Variants in ZNF566 observed in about 807,000 individuals in gnomAD.
ZNF566 encodes zinc finger protein 566.
In ZNF566, 27 loss-of-function variants were observed where a neutral mutation model predicts 32.8. The ratio of observed to expected loss-of-function variants is 0.82; its 90% CI spans 0.61 to 1.14. ZNF566 has a LOEUF of 1.14. Ranked by LOEUF, ZNF566 falls within the 50% of genes most tolerant of loss-of-function variation. ZNF566 has a pLI of 0.00. For synonymous variants in ZNF566, 154 were observed against 159.5 expected (o/e 0.97, Z 0.26); for missense variants, 402 against 490.4 (o/e 0.82, Z 1.70).
At chr19:36,466,380 T>C (rs2033613795) in intron 4 of ZNF566, among the ~76,000 whole-genome samples, 1 of 152,186 alleles carries the variant, frequency 6.6e-6, no homozygotes, top group African/African-American at 2.4e-5. Context: ...AAGTCCCTTA[T>C]ATAAAATGGC....
rs779464421 is a variant in ZNF566 at position 36,449,766 on chromosome 19, T to C, written c.468A>G (p.Pro156=). Reference sequence around the variant, plus strand: ...TAATGATTTGCTGTAATGTGAAGGATGGATGGTGACTCAAAGTGGGCAGAT... The same window carrying C: ...TAATGATTTGCTGTAATGTGAAGGACGGATGGTGACTCAAAGTGGGCAGAT... ...HEDLPTLSHH[P]SFTLQQIINS... is the part of the protein sequence containing the mutation. Residue 156 remains proline, a synonymous_variant, in exon 5 of 5, where the codon CCA becomes CCG. Transcript: ENST00000452939. The C allele has an allele frequency of 3.1e-6, 5 of 1,614,184 alleles. No homozygotes were observed. The highest frequency in any genetic ancestry group is 2.2e-5 in the East Asian group (1 of 44,866).
rs564760925 is a variant in ZNF566 at position 36,488,384 on chromosome 19, C to T, written c.-60+1102G>A. Reference sequence around the variant, plus strand: ...TGCTGGGATTACACGCATGAGCCTCCACACTTGGCCTACAAAAATTTTTTT... The same window carrying T: ...TGCTGGGATTACACGCATGAGCCTCTACACTTGGCCTACAAAAATTTTTTT... On this transcript the variant is annotated intron_variant, in intron 1 of 4. Transcript: ENST00000452939. 2.0e-5 allele frequency among the ~76,000 whole-genome samples: 3 copies of T among 152,306 alleles called. No homozygotes were observed. The East Asian group carries it at 5.8e-4, about 29-fold the overall frequency.
chr19:36,466,203 C>A (rs1267816476), intron 4 of ZNF566, among the ~76,000 whole-genome samples: 1 of 152,148 alleles, frequency 6.6e-6, no homozygotes, highest in African/African-American at 2.4e-5. Context: ...GAACAAGAAT[C>A]ATCTATCAAA....
intron 4 of ZNF566, among the ~76,000 whole-genome samples, chr19:36,464,843 A>G (rs1313448191): frequency 6.6e-6 from 1 of 152,192 alleles, no homozygotes. Flanking sequence ...AGTATAAAGC[A>G]TACAGGAAAA....
At chr19:36,474,053 G>C (rs776093635) in intron 2 of ZNF566, among the ~76,000 whole-genome samples, 2 of 152,168 alleles carry the variant, frequency 1.3e-5, no homozygotes, top group Non-Finnish European at 2.9e-5. Flanking sequence ...TTTGAGTGTT[G>C]AGAAAAGACA....
At chr19:36,467,662 G>A (rs968282186) in intron 4 of ZNF566, among the ~76,000 whole-genome samples, 17 of 149,422 alleles carry the variant, frequency 1.1e-4, no homozygotes, top group Non-Finnish European at 1.8e-4. Context: ...TTGGTGGCAC[G>A]TGCTTGTAAT....
intron 4 of ZNF566, among the ~76,000 whole-genome samples, chr19:36,461,476 GGCCA>G (rs1568516659): frequency 6.6e-6 from 1 of 152,016 alleles, no homozygotes; most frequent in African/African-American, 2.4e-5. Flanking sequence ...TTTGAGACCT[GGCCA>G]ACACGGTAAA....
intron 4 of ZNF566, among the ~76,000 whole-genome samples, chr19:36,457,926 A>T (rs2033359175): frequency 6.6e-6 from 1 of 151,990 alleles, no homozygotes; most frequent in Admixed American, 6.6e-5. Context: ...ATCCCCTCAC[A>T]CCTGTCAGAA....
chr19:36,462,928 G>T (rs970215062), intron 4 of ZNF566, among the ~76,000 whole-genome samples: 1 of 114,412 alleles, frequency 8.7e-6, no homozygotes, highest in African/African-American at 3.4e-5. Flanking sequence ...CTGCACTCCA[G>T]CCTGGGTGAC....
At chr19:36,459,429 G>A (rs2033402602) in intron 4 of ZNF566, among the ~76,000 whole-genome samples, 1 of 152,016 alleles carries the variant, frequency 6.6e-6, no homozygotes, top group African/African-American at 2.4e-5. Context: ...TGGCCAGGCT[G>A]GTCTTGAACT....
chr19:36,477,286 A>C (rs533573773), intron 1 of ZNF566, among the ~76,000 whole-genome samples: 1 of 152,170 alleles, frequency 6.6e-6, no homozygotes, highest in Non-Finnish European at 1.5e-5. Context: ...CTAAGATTAC[A>C]GGTATGAGCC....
intron 4 of ZNF566, among the ~76,000 whole-genome samples, chr19:36,469,732 G>A (rs1335508067): frequency 6.6e-6 from 1 of 152,120 alleles, no homozygotes; most frequent in Non-Finnish European, 1.5e-5. Context: ...AACACTGTGA[G>A]TGTCTGAAAG....
chr19:36,482,229 T>C (rs559463572), intron 1 of ZNF566, among the ~76,000 whole-genome samples: 6 of 152,258 alleles, frequency 3.9e-5, no homozygotes, highest in South Asian at 2.1e-4. Flanking sequence ...CCTCAGCCTC[T>C]CCAGTAGCTG....
At chr19:36,479,848 A>G (rs971487301) in intron 1 of ZNF566, among the ~76,000 whole-genome samples, 1 of 151,946 alleles carries the variant, frequency 6.6e-6, no homozygotes, top group African/African-American at 2.4e-5. Flanking sequence ...GCTTGGTTTT[A>G]GTTGTTTTTT....
chr19:36,452,913 T>A (rs1431538434), intron 4 of ZNF566, among the ~76,000 whole-genome samples: 4 of 146,534 alleles, frequency 2.7e-5, no homozygotes, highest in East Asian at 2.0e-4. Flanking sequence ...AGGTCAGGAG[T>A]TCGAGACCAG....
At chr19:36,469,862 C>T (rs372752131) in intron 4 of ZNF566, among the ~76,000 whole-genome samples, 4 of 151,798 alleles carry the variant, frequency 2.6e-5, no homozygotes, top group African/African-American at 9.7e-5. Context: ...CTTTTACAAA[C>T]AAGCATTGAT....
chr19:36,459,561 A>C (rs955334149), intron 4 of ZNF566, among the ~76,000 whole-genome samples: 29 of 148,240 alleles, frequency 2.0e-4, no homozygotes, highest in African/African-American at 7.3e-4. Flanking sequence ...CCCAGACTGG[A>C]GTGCAATGGC....
At chr19:36,470,801 T>A (rs1453040095) in intron 4 of ZNF566, among the ~76,000 whole-genome samples, 1 of 151,758 alleles carries the variant, frequency 6.6e-6, no homozygotes, top group African/African-American at 2.4e-5. Flanking sequence ...TCCCAGCTAC[T>A]CGGGAGGATG....
intron 1 of ZNF566, among the ~76,000 whole-genome samples, chr19:36,487,756 C>T (rs907686995): frequency 4.0e-5 from 6 of 151,476 alleles, no homozygotes; most frequent in East Asian, 1.9e-4. Flanking sequence ...AAAAATTAGC[C>T]GGGTGTGATG....
Sources: allele counts gnomAD v4.1 joint callset (sites outside exome capture counted in the v4.1 genomes callset), GRCh38; gene constraint gnomAD v4.1.1; transcripts MANE v1.5; gene names NCBI Gene and HGNC (gene_info 2026-07-23, HGNC 2026-07-21).